CDH18: variants seen among roughly 807,000 people sequenced by gnomAD.
CDH18 encodes the protein cadherin 18.
CDH18 carries 31 observed loss-of-function variants against 67.9 expected under a neutral mutation model. The observed-to-expected ratio is 0.46, with a 90% confidence interval of 0.34 to 0.62. CDH18 has a LOEUF of 0.62. CDH18 is among the 20% of genes least tolerant of loss of function. The pLI is 0.01. For synonymous variants in CDH18, 362 were observed against 347.2 expected (o/e 1.04, Z -0.48); for missense variants, 890 against 975.5 (o/e 0.91, Z 1.17).
chr5:20,331,369 T>G (rs1365309258), intron 1 of CDH18: 1 of 152,202 alleles, frequency 6.6e-6, no homozygotes, highest in Non-Finnish European at 1.5e-5. Flanking sequence ...CCTCCAAGAC[T>G]TCGCTTCTCA....
chr5:20,115,330 G>GT (rs1481843758), intron 2 of CDH18, among the ~76,000 whole-genome samples: 1 of 117,658 alleles, frequency 8.5e-6, no homozygotes, highest in African/African-American at 3.3e-5. Context: ...CCAGGCTGAA[G>GT]TGTAGTGGCG....
intron 2 of CDH18, among the ~76,000 whole-genome samples, chr5:19,933,620 C>T (rs915075513): frequency 2.0e-5 from 3 of 151,452 alleles, no homozygotes; most frequent in African/African-American, 7.3e-5. Context: ...GTACTCTTGG[C>T]AAGATCAGCA....
chr5:20,390,943 A>G (rs1388789224), intron 1 of CDH18, among the ~76,000 whole-genome samples: 1 of 151,936 alleles, frequency 6.6e-6, no homozygotes, highest in Non-Finnish European at 1.5e-5. Flanking sequence ...ATGAGAACAC[A>G]TGGACCCAGG....
chr5:20,338,067 T>C (rs564220116), intron 1 of CDH18, among the ~76,000 whole-genome samples: 1 of 152,256 alleles, frequency 6.6e-6, no homozygotes, highest in South Asian at 2.1e-4. Context: ...TGGGAAAGAC[T>C]TGCCCCCATG....
At chr5:19,612,023 A>G (rs114522067) in intron 6 of CDH18, among the ~76,000 whole-genome samples, 2,458 of 151,632 alleles carry the variant, frequency 0.016, 70 homozygotes, top group African/African-American at 0.057. Flanking sequence ...ATTTATTCAT[A>G]ACATGAAGAA....
intron 2 of CDH18, among the ~76,000 whole-genome samples, chr5:20,144,605 G>A (rs1561827159): frequency 1.3e-5 from 2 of 152,132 alleles, no homozygotes; most frequent in Non-Finnish European, 2.9e-5. Flanking sequence ...AATGAGTTAA[G>A]ATTTTTGGGA....
intron 1 of CDH18, among the ~76,000 whole-genome samples, chr5:20,557,465 C>T (rs1215457891): frequency 1.3e-5 from 2 of 152,008 alleles, no homozygotes; most frequent in Non-Finnish European, 2.9e-5. Flanking sequence ...AATAATCCAG[C>T]ATTTTTATTG....
chr5:20,196,316 C>T (rs1451276496), intron 2 of CDH18, among the ~76,000 whole-genome samples: 1 of 152,046 alleles, frequency 6.6e-6, no homozygotes, highest in Non-Finnish European at 1.5e-5. Flanking sequence ...AAACTCATCA[C>T]AAATAACTAT....
At chr5:20,095,264 T>C (rs553259992) in intron 2 of CDH18, among the ~76,000 whole-genome samples, 1 of 137,086 alleles carries the variant, frequency 7.3e-6, no homozygotes, top group South Asian at 2.2e-4. Flanking sequence ...GTAACAAACC[T>C]GCATGTTCTG....
chr5:20,296,696 C>T (rs1747565708), intron 1 of CDH18, among the ~76,000 whole-genome samples: 1 of 151,644 alleles, frequency 6.6e-6, no homozygotes, highest in East Asian at 1.9e-4. Context: ...TGTAATATAT[C>T]ATTTTTACTT....
At chr5:19,921,313 C>T (rs942951391) in intron 2 of CDH18, among the ~76,000 whole-genome samples, 3 of 152,024 alleles carry the variant, frequency 2.0e-5, no homozygotes, top group Non-Finnish European at 4.4e-5. Flanking sequence ...GGGCGGATCA[C>T]GAGGTCAGGA....
At chr5:20,488,224 T>C (rs1753331216) in intron 1 of CDH18, among the ~76,000 whole-genome samples, 1 of 152,208 alleles carries the variant, frequency 6.6e-6, no homozygotes, top group Non-Finnish European at 1.5e-5. Context: ...TAAATACATA[T>C]GCATCACTTG....
intron 4 of CDH18, among the ~76,000 whole-genome samples, chr5:19,738,685 C>G (rs1768685197): frequency 6.6e-6 from 1 of 152,116 alleles, no homozygotes; most frequent in Non-Finnish European, 1.5e-5. Flanking sequence ...GGCCTACATT[C>G]ATAAAAAGTA....
At chr5:20,486,540 T>G (rs1288361057) in intron 1 of CDH18, among the ~76,000 whole-genome samples, 1 of 152,030 alleles carries the variant, frequency 6.6e-6, no homozygotes, top group Admixed American at 6.6e-5. Flanking sequence ...AAAATAAGAT[T>G]AGCTGTAACC....
At chr5:20,564,126 C>G (rs1473888153) in intron 1 of CDH18, among the ~76,000 whole-genome samples, 1 of 151,992 alleles carries the variant, frequency 6.6e-6, no homozygotes, top group African/African-American at 2.4e-5. Flanking sequence ...GTTCACCTAT[C>G]TCTCCAGGGC....
chr5:19,676,216 C>T (rs143227053), intron 5 of CDH18, among the ~76,000 whole-genome samples: 10 of 152,066 alleles, frequency 6.6e-5, no homozygotes, highest in African/African-American at 1.2e-4. Flanking sequence ...ATCAAATCTA[C>T]GACTCATTGG....
intron 2 of CDH18, among the ~76,000 whole-genome samples, chr5:20,171,561 GTTGT>G (rs1352949977): frequency 2.0e-5 from 3 of 151,614 alleles, no homozygotes; most frequent in African/African-American, 7.3e-5. Context: ...TTTTAATTAG[GTTGT>G]TTGTTTTTTT....
intron 2 of CDH18, among the ~76,000 whole-genome samples, chr5:19,866,808 T>G (rs2150003340): frequency 6.6e-6 from 1 of 152,230 alleles, no homozygotes; most frequent in East Asian, 1.9e-4. Context: ...AAATGCACTC[T>G]TGGCTGGGCG....
chr5:20,030,479 T>C (rs1445593757), intron 2 of CDH18, among the ~76,000 whole-genome samples: 1 of 152,176 alleles, frequency 6.6e-6, no homozygotes, highest in Non-Finnish European at 1.5e-5. Context: ...TAAATATTTG[T>C]TCCAGGATCA....
Sources: gnomAD v4.1 joint callset for allele counts (sites outside exome capture counted in the v4.1 genomes callset) on GRCh38, gnomAD v4.1.1 for gene constraint, MANE v1.5 for transcripts, NCBI Gene and HGNC (gene_info 2026-07-23, HGNC 2026-07-21) for gene names.